FGGY: variants seen among roughly 807,000 people sequenced by gnomAD.
The protein encoded by FGGY is FGGY carbohydrate kinase domain containing, also known as FGGY carbohydrate kinase domain-containing protein.
FGGY carries 72 observed loss-of-function variants against 71.3 expected under a neutral mutation model. The ratio of observed to expected loss-of-function variants is 1.01; its 90% CI spans 0.84 to 1.23. FGGY has a LOEUF of 1.23. Among genes scored for constraint, FGGY ranks in the 50% most tolerant of loss-of-function variants. The pLI is 0.00. For missense variants in FGGY, 668 were observed against 682.3 expected, an observed-to-expected ratio of 0.98 and a Z score of 0.23; for synonymous variants, 251 against 250.3, an observed-to-expected ratio of 1.00 and a Z score of -0.02.
At chr1:59,591,582 A>T in intron 8 of FGGY, among the ~76,000 whole-genome samples, 1 of 152,240 alleles carries the variant, frequency 6.6e-6, no homozygotes. Flanking sequence ...TACTGGTAAC[A>T]AAACAGAGAT....
intron 14 of FGGY, among the ~76,000 whole-genome samples, chr1:59,706,655 T>G (rs2097759266): frequency 6.6e-6 from 1 of 152,182 alleles, no homozygotes; most frequent in African/African-American, 2.4e-5. Context: ...TGGTAGCTAC[T>G]GTGGTGATGA....
At chr1:59,520,139 A>G (rs2094784091) in intron 7 of FGGY, among the ~76,000 whole-genome samples, 3 of 152,260 alleles carry the variant, frequency 2.0e-5, no homozygotes, top group Admixed American at 6.5e-5. Context: ...CTCTCCTGGA[A>G]CACCTCCAGT....
At chr1:59,300,009 T>G (rs1255181825) in intron 1 of FGGY, among the ~76,000 whole-genome samples, 1 of 152,182 alleles carries the variant, frequency 6.6e-6, no homozygotes. Context: ...ATTGATTCTT[T>G]GAAGAGAAAT....
intron 5 of FGGY, among the ~76,000 whole-genome samples, chr1:59,404,076 G>A (rs2062379247): frequency 6.6e-6 from 1 of 152,176 alleles, no homozygotes; most frequent in South Asian, 2.1e-4. Flanking sequence ...AATACAACTT[G>A]CAAGGGAACT....
intron 5 of FGGY, among the ~76,000 whole-genome samples, chr1:59,432,688 C>G (rs879716842): frequency 5.9e-5 from 9 of 152,174 alleles, no homozygotes; most frequent in Non-Finnish European, 7.3e-5. Context: ...GGTACTCCAC[C>G]TCTGTAGTAA....
At chr1:59,466,762 T>C (rs1260342607) in intron 6 of FGGY, among the ~76,000 whole-genome samples, 1 of 152,198 alleles carries the variant, frequency 6.6e-6, no homozygotes, top group African/African-American at 2.4e-5. Context: ...AACATGCTCA[T>C]CATCACTGGT....
chr1:59,666,483 A>G (rs2097327235), intron 12 of FGGY, among the ~76,000 whole-genome samples: 1 of 152,210 alleles, frequency 6.6e-6, no homozygotes, highest in South Asian at 2.1e-4. Flanking sequence ...CAACTATCCT[A>G]TCTAAAACTG....
chr1:59,485,797 C>G (rs1317935929), intron 6 of FGGY, among the ~76,000 whole-genome samples: 1 of 152,104 alleles, frequency 6.6e-6, no homozygotes, highest in Non-Finnish European at 1.5e-5. Flanking sequence ...ATTCAACAGT[C>G]TTTCTAAGAG....
intron 4 of FGGY, among the ~76,000 whole-genome samples, chr1:59,371,907 C>T (rs1271886988): frequency 1.3e-5 from 2 of 152,166 alleles, no homozygotes; most frequent in African/African-American, 4.8e-5. Flanking sequence ...ACGTTCAAAG[C>T]AGTGTGTAGA....
At position 59,423,724 on chromosome 1, in the gene FGGY, C is replaced by T. The variant is rs768235242; in HGVS notation, c.555-33237C>T. Among the ~76,000 whole-genome samples, 34 of 152,316 alleles carry T rather than the reference C, an allele frequency of 2.2e-4. No individual in the cohort carries two copies. In the Middle Eastern group the frequency reaches 0.01, roughly 46 times the overall value. ...CTCCGCATGCTTCTCCCACTCCACC[C>T]AGCTTCTGGCAGGTCATACTACCGT... On this transcript the variant is annotated intron_variant, in intron 5 of 15. Transcript: ENST00000303721.
chr1:59,631,519 A>G (rs1006048060), intron 10 of FGGY, among the ~76,000 whole-genome samples: 1 of 152,234 alleles, frequency 6.6e-6, no homozygotes, highest in Admixed American at 6.5e-5. Context: ...AGAAAGAAAC[A>G]GGCATAGCTG....
intron 14 of FGGY, chr1:59,698,650 T>C: frequency 1.3e-5 from 8 of 639,558 alleles, no homozygotes; most frequent in Non-Finnish European, 1.6e-5. Flanking sequence ...TTTTCTTGCT[T>C]CTGACCCACC....
chr1:59,753,467 AATATATATATATATATATATATATATAT>A (rs57074120), intron 14 of FGGY, among the ~76,000 whole-genome samples: 25 of 47,854 alleles, frequency 5.2e-4, no homozygotes, highest in South Asian at 4.1e-3. Flanking sequence ...CATAACTTTA[AATATATATATATATATATATATATATAT>A]ATATATATAT....
intron 7 of FGGY, among the ~76,000 whole-genome samples, chr1:59,527,898 C>T (rs1013417839): frequency 6.6e-6 from 1 of 151,964 alleles, no homozygotes; most frequent in Non-Finnish European, 1.5e-5. Context: ...TTTTTTTAAT[C>T]TGATTTCCAT....
chr1:59,604,699 T>C (rs6657983), intron 8 of FGGY, among the ~76,000 whole-genome samples: 4,140 of 152,254 alleles, frequency 0.027, 198 homozygotes, highest in African/African-American at 0.094. Context: ...TCTGCCTCAG[T>C]TGAAATCCCA....
Position 59,542,261 on chromosome 1 carries a change from G to T in FGGY, c.800-11863G>T, listed in dbSNP as rs529808371. On this transcript the variant is annotated intron_variant, in intron 7 of 15. Coordinates refer to ENST00000303721, the MANE Select transcript of FGGY (RefSeq NM_018291.5). ...AGATTACAAGCTCTCTGAGGACAGA[G>T]ATTACATTTTTTTTCAAGTATTATT... Among the ~76,000 whole-genome samples, 19 of 152,192 alleles carry T rather than the reference G, an allele frequency of 1.2e-4. No homozygotes were observed. The South Asian group carries it at 2.5e-3, about 20-fold the overall frequency.
chr1:59,510,636 G>A (rs796358713), intron 6 of FGGY, among the ~76,000 whole-genome samples: 3 of 152,106 alleles, frequency 2.0e-5, no homozygotes, highest in African/African-American at 7.2e-5. Context: ...AAATTTTTTA[G>A]TAGCCATGCT....
At chr1:59,652,681 C>G (rs1275575432) in intron 11 of FGGY, among the ~76,000 whole-genome samples, 7 of 147,628 alleles carry the variant, frequency 4.7e-5, no homozygotes, top group African/African-American at 1.5e-4. Context: ...TTTTCAACTT[C>G]TTTGCCTTTG....
At chr1:59,402,138 G>T (rs1456453806) in intron 5 of FGGY, among the ~76,000 whole-genome samples, 1 of 152,210 alleles carries the variant, frequency 6.6e-6, no homozygotes, top group Non-Finnish European at 1.5e-5. Context: ...ACAGTGGACA[G>T]GTGAAGTCAG....
Sources: allele counts gnomAD v4.1 joint callset (sites outside exome capture counted in the v4.1 genomes callset), GRCh38; gene constraint gnomAD v4.1.1; transcripts MANE v1.5; gene names NCBI Gene and HGNC (gene_info 2026-07-23, HGNC 2026-07-21).